Variants in HLCS observed in about 807,000 individuals in gnomAD.
HLCS encodes the protein biotin--protein ligase.
Under a neutral mutation model 75.0 loss-of-function variants are expected in HLCS, and 53 were observed. The observed-to-expected ratio is 0.71, with a 90% confidence interval of 0.57 to 0.89. The LOEUF is 0.89. HLCS is among the 40% of genes least tolerant of loss of function. HLCS has a pLI of 0.00. For synonymous variants in HLCS, 431 were observed against 428.6 expected (o/e 1.01, Z -0.07); for missense variants, 966 against 1,074.0 (o/e 0.90, Z 1.41).
At chr21:36,863,650 C>T (rs8133376) in intron 6 of HLCS, among the ~76,000 whole-genome samples, 74,937 of 151,992 alleles carry the variant, frequency 0.49, 20,643 homozygotes, top group African/African-American at 0.75. Context: ...GCAGCAACCA[C>T]ATCTCTGGAT....
chr21:36,928,236 C>T (rs2066489283), intron 5 of HLCS, among the ~76,000 whole-genome samples: 1 of 152,108 alleles, frequency 6.6e-6, no homozygotes, highest in African/African-American at 2.4e-5. Flanking sequence ...TGACTTCTGC[C>T]ATTTCCTTCT....
At chr21:36,922,874 T>G (rs929041441) in intron 5 of HLCS, among the ~76,000 whole-genome samples, 7 of 152,306 alleles carry the variant, frequency 4.6e-5, no homozygotes, top group Non-Finnish European at 8.8e-5. Flanking sequence ...CTCAAATCAT[T>G]AGCATGCATG....
At chr21:36,933,164 G>C (rs1049735001) in intron 4 of HLCS, among the ~76,000 whole-genome samples, 3 of 152,110 alleles carry the variant, frequency 2.0e-5, no homozygotes, top group Non-Finnish European at 4.4e-5. Flanking sequence ...GCAGGGCACC[G>C]TCCAACATGG....
At chr21:36,983,559 C>T (rs967908733) in intron 1 of HLCS, among the ~76,000 whole-genome samples, 3 of 151,484 alleles carry the variant, frequency 2.0e-5, no homozygotes, top group Admixed American at 6.6e-5. Context: ...TTTTTTTGGC[C>T]GGGCGCAGTG....
At position 36,848,559 on chromosome 21, in the gene HLCS, C is replaced by T. The variant is rs186347319; in HGVS notation, c.1892+48301G>A. ...CTGGGATTACAGGCTTGAGCCACCG[C>T]GCCCAGCCTCAACTGTAAAGCTTTT... On this transcript the variant is annotated intron_variant, in intron 6 of 10. Coordinates refer to ENST00000674895, the MANE Select transcript of HLCS (RefSeq NM_001352514.2). 1.0e-3 allele frequency among the ~76,000 whole-genome samples: 155 copies of T among 152,256 alleles called. 1 individual carries two copies. The highest frequency in any genetic ancestry group is 6.4e-3 in the Admixed American group (98 of 15,286).
chr21:36,871,078 C>G (rs147585363), intron 6 of HLCS, among the ~76,000 whole-genome samples: 1 of 152,098 alleles, frequency 6.6e-6, no homozygotes. Flanking sequence ...TGAGACCGGC[C>G]GTGTGCCCAG....
In HLCS at chr21:36,749,328, GGTTTA is replaced by G. The variant is rs1260300928; in HGVS notation, c.*4913_*4917del. On this transcript the variant is annotated 3_prime_UTR_variant, in exon 11 of 11. Transcript: ENST00000674895. The stretch of plus-strand genomic sequence containing the variant: ...CAGCATTTTGCTGCTTTATCAAAAT[GGTTTA>G]TTTTAGGAAACTTTTTCCACCTTTC... 2 of 152,392 alleles carry G rather than the reference GGTTTA, an allele frequency of 1.3e-5. No individual in the cohort carries two copies. The highest frequency in any genetic ancestry group is 2.9e-5 in the Non-Finnish European group (2 of 68,030). 9.4% of individuals were successfully genotyped at this position (152,392 alleles called of 1,614,324 possible). A position where few individuals can be genotyped will look rare whatever the true frequency, so the allele number is the denominator to read the frequency against.
chr21:36,862,946 T>TC (rs10660857), intron 6 of HLCS, among the ~76,000 whole-genome samples: 194 of 68,688 alleles, frequency 2.8e-3, no homozygotes, highest in Non-Finnish European at 4.0e-3. Context: ...TCTTTCTCTC[T>TC]TTTTTTTTTT....
intron 6 of HLCS, among the ~76,000 whole-genome samples, chr21:36,769,364 A>C (rs1469628965): frequency 7.9e-5 from 12 of 152,224 alleles, no homozygotes; most frequent in Admixed American, 7.9e-4. Flanking sequence ...CACAGTCAAC[A>C]AAGCAGCATT....
chr21:36,887,425 C>T (rs2064519261), intron 6 of HLCS, among the ~76,000 whole-genome samples: 1 of 152,036 alleles, frequency 6.6e-6, no homozygotes, highest in South Asian at 2.1e-4. Flanking sequence ...CTTGAAAAAT[C>T]GGTGACAAAA....
intron 5 of HLCS, among the ~76,000 whole-genome samples, chr21:36,913,141 C>T (rs1366144992): frequency 6.6e-6 from 1 of 152,104 alleles, no homozygotes; most frequent in Non-Finnish European, 1.5e-5. Context: ...AATGGGACCC[C>T]AGACAGCATT....
chr21:36,883,114 C>G (rs1451568229), intron 6 of HLCS, among the ~76,000 whole-genome samples: 1 of 152,176 alleles, frequency 6.6e-6, no homozygotes, highest in Non-Finnish European at 1.5e-5. Flanking sequence ...AGAAACAGAA[C>G]ATGCTTCTCT....
chr21:36,883,818 C>G (rs1182700923), intron 6 of HLCS, among the ~76,000 whole-genome samples: 1 of 152,108 alleles, frequency 6.6e-6, no homozygotes, highest in African/African-American at 2.4e-5. Context: ...CTGCCAGGTC[C>G]GACCCGCAGA....
chr21:36,888,070 C>T (rs566628913), intron 6 of HLCS, among the ~76,000 whole-genome samples: 1 of 152,270 alleles, frequency 6.6e-6, no homozygotes, highest in Admixed American at 6.5e-5. Context: ...CTAATCGCTT[C>T]CACCTGTGTC....
At chr21:36,789,473 AT>A (rs1314177606) in intron 6 of HLCS, among the ~76,000 whole-genome samples, 1 of 152,206 alleles carries the variant, frequency 6.6e-6, no homozygotes, top group Admixed American at 6.5e-5. Flanking sequence ...TAATTTATAC[AT>A]TTTCCCTATA....
At chr21:36,886,846 G>T (rs2064489323) in intron 6 of HLCS, among the ~76,000 whole-genome samples, 1 of 152,168 alleles carries the variant, frequency 6.6e-6, no homozygotes, top group African/African-American at 2.4e-5. Context: ...TCAGCAGTCA[G>T]CAGGGTCTGG....
chr21:36,931,807 ATGT>A (rs2066657027), intron 4 of HLCS, among the ~76,000 whole-genome samples: 1 of 152,158 alleles, frequency 6.6e-6, no homozygotes, highest in Admixed American at 6.5e-5. Flanking sequence ...TCCTTGAATA[ATGT>A]TGTTTCACTC....
chr21:36,809,765 G>T (rs1165735446), intron 6 of HLCS, among the ~76,000 whole-genome samples: 1 of 152,082 alleles, frequency 6.6e-6, no homozygotes, highest in Admixed American at 6.6e-5. Flanking sequence ...TTGAGACAAG[G>T]TCTTACTCTG....
upstream of HLCS, among the ~76,000 whole-genome samples, chr21:36,967,042 G>A (rs1383605096): frequency 6.6e-6 from 1 of 152,004 alleles, no homozygotes; most frequent in Non-Finnish European, 1.5e-5. Flanking sequence ...ATGCGGGGGA[G>A]GGGAGGCTCC....
Sources: allele counts gnomAD v4.1 joint callset (sites outside exome capture counted in the v4.1 genomes callset), GRCh38; gene constraint gnomAD v4.1.1; transcripts MANE v1.5; gene names NCBI Gene and HGNC (gene_info 2026-07-23, HGNC 2026-07-21).